Variants in FBXO46 observed in about 807,000 individuals in gnomAD.
FBXO46 encodes the protein F-box protein 46, also known as F-box only protein 46.
In FBXO46, 13 loss-of-function variants were observed where a neutral mutation model predicts 30.7. That is an observed-to-expected ratio of 0.42 (90% CI 0.28 to 0.67). The LOEUF (loss-of-function observed/expected upper bound fraction) is 0.67. Among genes scored for constraint, FBXO46 ranks in the 30% least tolerant of loss-of-function variants. The pLI is 0.21. For missense variants in FBXO46, 754 were observed against 871.5 expected, an observed-to-expected ratio of 0.87 and a Z score of 1.70; for synonymous variants, 467 against 385.8, an observed-to-expected ratio of 1.21 and a Z score of -2.47.
chr19:45,712,859 C>A lies in FBXO46; in HGVS notation c.637G>T (p.Val213Leu), dbSNP rs1469422400. Reference sequence around the variant, plus strand: ...CCACCGGACCGCCGTTCAGATCCCACCCCCTTGGCCGGTCCACCTTGCTCG... The same window carrying A: ...CCACCGGACCGCCGTTCAGATCCCAACCCCTTGGCCGGTCCACCTTGCTCG... ...SAEQGGPAKG[V>L]GSERRSGGGD... Residue 213 changes from valine (V) to leucine (L), a missense_variant, in exon 2 of 2, where the codon GTG becomes TTG. This residue lies in a region of FBXO46 where 454 missense variants were observed against 426.5 expected (regional missense o/e 1.06). Coordinates refer to ENST00000317683, the MANE Select transcript of FBXO46 (RefSeq NM_001080469.2). This position sits in a 1 kb window ranked among gnomAD's most constrained non-coding sequence, Gnocchi z 8.8. The A allele has an allele frequency of 1.2e-6, 2 of 1,613,368 alleles. No homozygotes were observed. Among genetic ancestry groups the A allele is most frequent in the African/African-American group, 1.3e-5 (1 of 74,940 alleles).
intron 1 of FBXO46, among the ~76,000 whole-genome samples, chr19:45,728,273 T>C (rs924872617): frequency 2.0e-5 from 3 of 152,222 alleles, no homozygotes; most frequent in African/African-American, 7.2e-5. Flanking sequence ...TAATTGGATT[T>C]AGGAGCCCAG....
chr19:45,711,632 G>C lies in FBXO46; in HGVS notation c.*52C>G. 1 of 1,390,878 alleles carries C rather than the reference G, an allele frequency of 7.2e-7. No homozygotes were observed. Among genetic ancestry groups the C allele is most frequent in the Non-Finnish European group, 9.9e-7 (1 of 1,014,958 alleles). The allele number at this position is 1,390,878 out of a possible 1,614,324, so 86.2% of individuals were successfully genotyped here. ...CCCAGTCCGGACCCTCGGCTCCCGG[G>C]GGGAGAGGGGAGGGGTGGGCGTGGT... On this transcript the variant is annotated 3_prime_UTR_variant, in exon 2 of 2. Coordinates refer to ENST00000317683, the MANE Select transcript of FBXO46 (RefSeq NM_001080469.2).
At chr19:45,732,588 CTTTTTTTTTTTTTTTTTT>C (rs750349502), upstream of FBXO46, among the ~76,000 whole-genome samples, 32 of 86,948 alleles carry the variant, frequency 3.7e-4, no homozygotes, top group African/African-American at 1.5e-3. Flanking sequence ...CTTTTTTTTC[CTTTTTTTTTTTTTTTTTT>C]TTTTTGAGAC....
intron 1 of FBXO46, among the ~76,000 whole-genome samples, chr19:45,720,073 C>T (rs762711351): frequency 5.9e-5 from 9 of 152,102 alleles, no homozygotes; most frequent in Admixed American, 1.3e-4. Context: ...CTCGCCTCAA[C>T]GCAGCCTCAA....
Position 45,713,547 on chromosome 19 carries a change from G to A in FBXO46, c.-52C>T. On this transcript the variant is annotated 5_prime_UTR_variant, in exon 2 of 2. Transcript: ENST00000317683. The surrounding 1 kb of genome is among the most constrained non-coding windows in gnomAD (Gnocchi z 4.7). ...GGCTTCAGCGCATCTCAGGACCTAG[G>A]TGGTGGTGGGAGGCTCCACATGCCA... is the stretch of plus-strand genomic sequence containing the variant. 6.9e-7 allele frequency: 1 copy of A among 1,447,336 alleles called. No homozygotes were observed. Among genetic ancestry groups the A allele is most frequent in the Non-Finnish European group, 9.3e-7 (1 of 1,078,180 alleles). The allele number at this position is 1,447,336 out of a possible 1,614,324, so 89.7% of individuals were successfully genotyped here. A position where few individuals can be genotyped will look rare whatever the true frequency, so the allele number is the denominator to read the frequency against.
At position 45,712,982 on chromosome 19, in the gene FBXO46, C is replaced by G. The variant is rs779543785; in HGVS notation, c.514G>C (p.Val172Leu). 5.1e-6 allele frequency: 8 copies of G among 1,576,626 alleles called. No homozygotes were observed. Among genetic ancestry groups the G allele is most frequent in the East Asian group, 2.3e-5 (1 of 43,332 alleles). The change falls in exon 2 of 2, where the codon GTG becomes CTG. Residue 172 changes from valine to leucine, a missense_variant. Val to Leu is a conservative substitution (Grantham distance 32). Coordinates refer to ENST00000317683, the MANE Select transcript of FBXO46 (RefSeq NM_001080469.2). This position sits in a 1 kb window ranked among gnomAD's most constrained non-coding sequence, Gnocchi z 8.8. ...SAGEDVDLLS[V>L]AEMVALVEQR... Reference sequence around the variant, plus strand: ...TCCACCAGGGCCACCATCTCGGCCACAGAGAGCAGGTCCACGTCCTCACCG... The same window carrying G: ...TCCACCAGGGCCACCATCTCGGCCAGAGAGAGCAGGTCCACGTCCTCACCG...
chr19:45,725,595 A>C (rs974389515), intron 1 of FBXO46, among the ~76,000 whole-genome samples: 16 of 149,706 alleles, frequency 1.1e-4, no homozygotes. Context: ...TTAGCCGGGC[A>C]TGGTGGTGTG....
In FBXO46 at chr19:45,713,609, G is replaced by A. The variant is rs551948145; in HGVS notation, c.-78-36C>T. The A allele has an allele frequency of 1.1e-6, 1 of 873,390 alleles. No homozygotes were observed. Among genetic ancestry groups the A allele is most frequent in the East Asian group, 2.7e-5 (1 of 36,944 alleles). 54.1% of individuals were successfully genotyped at this position (873,390 alleles called of 1,614,324 possible). On this transcript the variant is annotated intron_variant, in intron 1 of 1. Coordinates refer to ENST00000317683, the MANE Select transcript of FBXO46 (RefSeq NM_001080469.2). The surrounding 1 kb of genome is among the most constrained non-coding windows in gnomAD (Gnocchi z 4.7). ...GAAGAGGAGGTTGGGGAGCTAGGGG[G>A]ACAGCCTTTCTTCCCAGGACCACCC...
At chr19:45,723,926 C>G (rs895538094) in intron 1 of FBXO46, among the ~76,000 whole-genome samples, 7 of 152,040 alleles carry the variant, frequency 4.6e-5, no homozygotes, top group Admixed American at 3.9e-4. Context: ...AAAACTTGTG[C>G]TTTTAGGAGT....
At chr19:45,732,514 T>A (rs1338945216), upstream of FBXO46, among the ~76,000 whole-genome samples, 1 of 104,810 alleles carries the variant, frequency 9.5e-6, no homozygotes, top group Non-Finnish European at 1.7e-5. Context: ...GGCAGCAAAG[T>A]GAGACCCTCG....
At chr19:45,720,909 G>C (rs187002965) in intron 1 of FBXO46, among the ~76,000 whole-genome samples, 1 of 151,606 alleles carries the variant, frequency 6.6e-6, no homozygotes, top group Non-Finnish European at 1.5e-5. Context: ...CAGGAGAATC[G>C]GAGAATTGCT....
At chr19:45,732,116 CAAA>C (rs1038077264), upstream of FBXO46, among the ~76,000 whole-genome samples, 6 of 112,230 alleles carry the variant, frequency 5.3e-5, no homozygotes, top group Non-Finnish European at 5.8e-5. Context: ...GATTCCGTCT[CAAA>C]AAAAAAAAAA....
chr19:45,726,328 A>G lies in FBXO46; in HGVS notation c.-79+4521T>C, dbSNP rs536887104. 2.3e-3 allele frequency among the ~76,000 whole-genome samples: 348 copies of G among 152,220 alleles called. 2 individuals are homozygous for G. Among genetic ancestry groups the G allele is most frequent in the Non-Finnish European group, 3.9e-3 (263 of 68,016 alleles). ...ACCACCGCACTCCAGCCTAGGAGACAGAGCAAGACTCCATCTAACAACAAC... is the reference window on the plus strand; with the variant it reads ...ACCACCGCACTCCAGCCTAGGAGACGGAGCAAGACTCCATCTAACAACAAC... On this transcript the variant is annotated intron_variant, in intron 1 of 1. Coordinates refer to ENST00000317683, the MANE Select transcript of FBXO46 (RefSeq NM_001080469.2).
In FBXO46 at chr19:45,711,658, G is replaced by C; in HGVS notation, c.*26C>G. On this transcript the variant is annotated 3_prime_UTR_variant, in exon 2 of 2. Coordinates refer to ENST00000317683, the MANE Select transcript of FBXO46 (RefSeq NM_001080469.2). ...GGGAGAGGGGAGGGGTGGGCGTGGT[G>C]GGCTCTCCCCTCCCCTCCCCCGGCT... 1 of 1,500,034 alleles carries C rather than the reference G, an allele frequency of 6.7e-7. No homozygotes were observed. Among genetic ancestry groups the C allele is most frequent in the Non-Finnish European group, 9.0e-7 (1 of 1,115,026 alleles). 92.9% of individuals were successfully genotyped at this position (1,500,034 alleles called of 1,614,324 possible).
chr19:45,719,122 G>C (rs1242602297), intron 1 of FBXO46, among the ~76,000 whole-genome samples: 3 of 152,024 alleles, frequency 2.0e-5, no homozygotes, highest in Non-Finnish European at 4.4e-5. Context: ...GGTGGCACGT[G>C]CCTGTAGTCC....
In FBXO46 at chr19:45,710,699, A is replaced by C. The variant is rs1967940717; in HGVS notation, c.*985T>G. On this transcript the variant is annotated 3_prime_UTR_variant, in exon 2 of 2. Transcript: ENST00000317683. ...GATGCCACACGCTAGAAGCTTCCAG[A>C]ACCACGATGGAAAGAAAAAAAAGAA... The C allele has an allele frequency of 6.6e-6, 1 of 152,436 alleles. No homozygotes were observed. Among genetic ancestry groups the C allele is most frequent in the South Asian group, 2.1e-4 (1 of 4,848 alleles). The allele number at this position is 152,436 out of a possible 1,614,324, so 9.4% of individuals were successfully genotyped here.
At chr19:45,714,485 C>T (rs1968057673) in intron 1 of FBXO46, 1 of 152,064 alleles carries the variant, frequency 6.6e-6, no homozygotes, top group African/African-American at 2.4e-5. Context: ...CCCTAAAGCA[C>T]AGCCGTGGAC....
intron 1 of FBXO46, among the ~76,000 whole-genome samples, chr19:45,729,255 C>T (rs757008164): frequency 5.9e-5 from 9 of 152,112 alleles, no homozygotes; most frequent in Non-Finnish European, 1.3e-4. Context: ...CATGCAGAAA[C>T]CCTGTCTCTA....
rs745500271 is a variant in FBXO46, at chr19:45,712,905, C to T, written c.591G>A (p.Ala197=). 11 of 1,612,350 alleles carry T rather than the reference C, an allele frequency of 6.8e-6. No individual in the cohort carries two copies. Among genetic ancestry groups the T allele is most frequent in the African/African-American group, 5.3e-5 (4 of 74,890 alleles). The change falls in exon 2 of 2, where the codon GCG becomes GCA. Residue 197 remains alanine (A), a synonymous_variant. Coordinates refer to ENST00000317683, the MANE Select transcript of FBXO46 (RefSeq NM_001080469.2). This position sits in a 1 kb window ranked among gnomAD's most constrained non-coding sequence, Gnocchi z 8.8. ...LQSYPRPTTP[A]PVVFVSAEQG... Reference sequence around the variant, plus strand: ...GCTCGGCGGACACAAAGACTACAGGCGCTGGGGTGGTCGGTCGTGGGTAGC... The same window carrying T: ...GCTCGGCGGACACAAAGACTACAGGTGCTGGGGTGGTCGGTCGTGGGTAGC...
Sources: gnomAD v4.1 joint callset for allele counts (sites outside exome capture counted in the v4.1 genomes callset) on GRCh38, gnomAD v4.1.1 for gene constraint, gnomAD v4.1.1 regional missense constraint, Gnocchi (gnomAD v3.1) non-coding constraint, MANE v1.5 for transcripts, NCBI Gene and HGNC (gene_info 2026-07-23, HGNC 2026-07-21) for gene names.